The following BIVM variants were observed in gnomAD, a reference collection of about 807,000 sequenced individuals.
BIVM encodes basic, immunoglobulin-like variable motif containing, also known as basic immunoglobulin-like variable motif-containing protein.
Under a neutral mutation model 61.4 loss-of-function variants are expected in BIVM, and 31 were observed. The ratio of observed to expected loss-of-function variants is 0.51; its 90% confidence interval spans 0.38 to 0.68. The LOEUF (loss-of-function observed/expected upper bound fraction) is 0.68, where lower values mean the gene tolerates loss of function less well. Among genes scored for constraint, BIVM ranks in the 30% least tolerant of loss-of-function variants. The pLI, the probability that BIVM is intolerant of heterozygous loss-of-function variation, is 0.00. For synonymous variants in BIVM, 189 were observed against 210.7 expected, an observed-to-expected ratio of 0.90 and a Z score of 0.89; for missense variants, 526 against 596.0, an observed-to-expected ratio of 0.88 and a Z score of 1.22.
At chr13:102,831,833 T>C in intron 8 of BIVM, 136 bp downstream of exon 8, 1 of 758,776 alleles carries the variant, frequency 1.3e-6, no homozygotes, top group Non-Finnish European at 1.9e-6. Context: ...ATCGAGACCA[T>C]CCTGGCTAAC....
chr13:102,838,551 A>C, intron 9 of BIVM, 92 bp from the exon 10 acceptor site: 1 of 1,019,632 alleles, frequency 9.8e-7, no homozygotes, highest in Admixed American at 2.7e-5. Flanking sequence ...TTGCTGTGAT[A>C]ATATTGCAGC....
chr13:102,817,203 G>C (rs1879922816), intron 4 of BIVM, among the ~76,000 whole-genome samples: 2 of 152,140 alleles, frequency 1.3e-5, no homozygotes, highest in South Asian at 4.1e-4. Context: ...GAATAATAAA[G>C]ATTGACTTAT....
intron 1 of BIVM, chr13:102,800,814 A>G (rs1270960265): frequency 6.6e-6 from 1 of 152,248 alleles, no homozygotes; most frequent in Non-Finnish European, 1.5e-5. Flanking sequence ...GCCGGGGGCT[A>G]TGCGCCTCTG....
intron 1 of BIVM, chr13:102,800,646 C>T (rs1306100123): frequency 1.3e-5 from 2 of 152,360 alleles, no homozygotes; most frequent in Non-Finnish European, 2.9e-5. Context: ...TCCCGGCCTC[C>T]CCAGGGGCGC....
In BIVM at chr13:102,804,414, C is replaced by T. The variant is rs191526254; in HGVS notation, c.-206-893C>T. 2.2e-4 allele frequency among the ~76,000 whole-genome samples: 34 copies of T among 152,270 alleles called. No homozygotes were observed. In the East Asian group the frequency reaches 5.6e-3, roughly 25 times the overall value. ...CAACCTCCACCTCCTGGGTTCAGGC[C>T]GTTCTCCTGCCTCAGCCTCGCAAGT... is the stretch of plus-strand genomic sequence containing the variant. On this transcript the variant is annotated intron_variant, in intron 1 of 10. Transcript: ENST00000257336.
At chr13:102,801,429 T>A (rs1433915775) in intron 1 of BIVM, 2 of 152,140 alleles carry the variant, frequency 1.3e-5, no homozygotes, top group African/African-American at 4.8e-5. Flanking sequence ...TTTTTATTTT[T>A]TTTTAGTAGA....
chr13:102,839,432 T>G, intron 10 of BIVM, 140 bp from the exon 11 acceptor site: 1 of 1,142,582 alleles, frequency 8.8e-7, no homozygotes, highest in Non-Finnish European at 1.2e-6. Context: ...CAGGATGAGG[T>G]GCTCTGATGA....
intron 1 of BIVM, among the ~76,000 whole-genome samples, chr13:102,804,876 GCCATGCAGTA>G (rs1273950366): frequency 3.3e-5 from 5 of 152,202 alleles, no homozygotes; most frequent in African/African-American, 1.2e-4. Flanking sequence ...TTCCATGAAA[GCCATGCAGTA>G]CCTTTGCTAG....
chr13:102,828,042 T>C (rs16960590), intron 7 of BIVM, among the ~76,000 whole-genome samples: 3,401 of 152,320 alleles, frequency 0.022, 133 homozygotes, highest in African/African-American at 0.077. Context: ...TTTTTCACAA[T>C]GGGCTTTACG....
Position 102,799,239 on chromosome 13 carries a change from G to T in BIVM, c.-489G>T, listed in dbSNP as rs143918605. On this transcript the variant is annotated 5_prime_UTR_variant, in exon 1 of 11. Coordinates refer to ENST00000257336, the MANE Select transcript of BIVM (RefSeq NM_017693.4). ...CACCACAGATGCCCATCAAAGGGGC[G>T]CACGGGTCTGGAGGCGCAGCTCAGG... 4.0e-4 allele frequency: 122 copies of T among 303,378 alleles called. 1 individual carries two copies. Among genetic ancestry groups the T allele is most frequent in the African/African-American group, 2.2e-3 (101 of 46,470 alleles). 18.8% of individuals were successfully genotyped at this position (303,378 alleles called of 1,614,324 possible).
rs770875297 is a variant in BIVM, at chr13:102,820,859, A to T, written c.606-178A>T. The T allele has an allele frequency of 1.7e-5, 10 of 571,484 alleles. No homozygotes were observed. In the East Asian group the frequency reaches 2.7e-4, roughly 15 times the overall value. 35.4% of individuals were successfully genotyped at this position (571,484 alleles called of 1,614,324 possible). Reference sequence around the variant, plus strand: ...TTAGCTATTTTTGTTAAAGCAGGTGATTTATTGTTATTTTATATTTATGAC... The same window carrying T: ...TTAGCTATTTTTGTTAAAGCAGGTGTTTTATTGTTATTTTATATTTATGAC... On this transcript the variant is annotated intron_variant, in intron 4 of 10. Transcript: ENST00000257336.
intron 3 of BIVM, among the ~76,000 whole-genome samples, chr13:102,815,282 T>C (rs1879791978): frequency 6.6e-6 from 1 of 152,200 alleles, no homozygotes; most frequent in African/African-American, 2.4e-5. Context: ...TAATCTATTT[T>C]ATAATTTATG....
intron 3 of BIVM, among the ~76,000 whole-genome samples, chr13:102,808,146 CT>C (rs1879226569): frequency 6.6e-6 from 1 of 151,994 alleles, no homozygotes; most frequent in Admixed American, 6.6e-5. Context: ...AATGTTTTAG[CT>C]TTTTTTGTTG....
chr13:102,824,120 G>C (rs1218263689), intron 7 of BIVM, among the ~76,000 whole-genome samples: 1 of 152,170 alleles, frequency 6.6e-6, no homozygotes, highest in Non-Finnish European at 1.5e-5. Context: ...TGTCAGTTGT[G>C]TTCATTAAAA....
At chr13:102,832,717 C>T (rs1193995599) in intron 8 of BIVM, among the ~76,000 whole-genome samples, 1 of 152,164 alleles carries the variant, frequency 6.6e-6, no homozygotes, top group East Asian at 1.9e-4. Context: ...TGCAAGGAAG[C>T]TCTGAGCCAA....
At chr13:102,828,359 A>G (rs1880818259) in intron 7 of BIVM, among the ~76,000 whole-genome samples, 1 of 152,114 alleles carries the variant, frequency 6.6e-6, no homozygotes, top group Non-Finnish European at 1.5e-5. Flanking sequence ...TGAAAATTGC[A>G]TTTATATTCA....
At position 102,805,327 on chromosome 13, in the gene BIVM, T is replaced by A. The variant is rs1429671231; in HGVS notation, c.-186T>A. 1 of 152,228 alleles carries A rather than the reference T, an allele frequency of 6.6e-6. No homozygotes were observed. The highest frequency in any genetic ancestry group is 2.4e-5 in the African/African-American group (1 of 41,460). The allele number at this position is 152,228 out of a possible 1,614,324, so 9.4% of individuals were successfully genotyped here. A position where few individuals can be genotyped will look rare whatever the true frequency, so the allele number is the denominator to read the frequency against. ...TAAAGGAATCAGTTTAGACTTGAAA[T>A]TCAGTTTTTCCTGAAACTGATCAGA... is the stretch of plus-strand genomic sequence containing the variant. On this transcript the variant is annotated 5_prime_UTR_variant, in exon 2 of 11. Coordinates refer to ENST00000257336, the MANE Select transcript of BIVM (RefSeq NM_017693.4).
intron 1 of BIVM, among the ~76,000 whole-genome samples, chr13:102,803,562 C>T (rs1337694638): frequency 6.6e-6 from 1 of 152,036 alleles, no homozygotes; most frequent in African/African-American, 2.4e-5. Context: ...AGGCAAAATT[C>T]CATTCAGTGT....
At chr13:102,802,630 ATT>A (rs11300280) in intron 1 of BIVM, among the ~76,000 whole-genome samples, 4 of 150,956 alleles carry the variant, frequency 2.6e-5, no homozygotes, top group South Asian at 2.1e-4. Flanking sequence ...GATGATCTTC[ATT>A]TTTTTTTTGC....
Sources: allele counts gnomAD v4.1 joint callset (sites outside exome capture counted in the v4.1 genomes callset), GRCh38; gene constraint gnomAD v4.1.1; transcripts MANE v1.5; gene names NCBI Gene and HGNC (gene_info 2026-07-23, HGNC 2026-07-21).